The following PPFIA2 variants were observed in gnomAD, a reference collection of about 807,000 sequenced individuals.
PPFIA2 encodes the protein liprin-alpha-2.
Under a neutral mutation model 175.5 loss-of-function variants are expected in PPFIA2, and 46 were observed. That is an observed-to-expected ratio of 0.26 (90% CI 0.21 to 0.34). The LOEUF is 0.34. Among genes scored for constraint, PPFIA2 ranks in the 10% least tolerant of loss-of-function variants. PPFIA2 has a pLI of 1.00. For synonymous variants in PPFIA2, 568 were observed against 511.4 expected, an observed-to-expected ratio of 1.11 and a Z score of -1.49; for missense variants, 1,179 against 1,506.1, an observed-to-expected ratio of 0.78 and a Z score of 3.60.
chr12:81,342,512 T>A (rs1012428767), intron 19 of PPFIA2, among the ~76,000 whole-genome samples: 4 of 152,164 alleles, frequency 2.6e-5, no homozygotes, highest in African/African-American at 9.6e-5. Flanking sequence ...TGTCACCCAA[T>A]CTTAGGTTCC....
At chr12:81,460,086 C>T (rs2054263062) in intron 4 of PPFIA2, among the ~76,000 whole-genome samples, 1 of 151,980 alleles carries the variant, frequency 6.6e-6, no homozygotes, top group South Asian at 2.1e-4. Flanking sequence ...TTATCTGAAA[C>T]ATTAAATAAT....
chr12:81,305,929 C>G (rs1030534407), intron 22 of PPFIA2, among the ~76,000 whole-genome samples: 5 of 152,146 alleles, frequency 3.3e-5, no homozygotes, highest in African/African-American at 1.2e-4. Context: ...CTCATTCTTC[C>G]TACTGTGGAT....
intron 3 of PPFIA2, among the ~76,000 whole-genome samples, chr12:81,708,167 TATA>T (rs1159129885): frequency 1.3e-5 from 2 of 149,020 alleles, no homozygotes; most frequent in Admixed American, 6.7e-5. Flanking sequence ...AAACTTAAAG[TATA>T]ATAATAAAAA....
At chr12:81,505,659 C>A (rs1219154177) in intron 4 of PPFIA2, 1 of 152,170 alleles carries the variant, frequency 6.6e-6, no homozygotes, top group Admixed American at 6.6e-5. Flanking sequence ...CTGACCCCTT[C>A]TTTTTCCTCC....
intron 21 of PPFIA2, among the ~76,000 whole-genome samples, chr12:81,329,691 C>G (rs536397279): frequency 6.6e-6 from 1 of 152,258 alleles, no homozygotes; most frequent in East Asian, 1.9e-4. Flanking sequence ...GGCATCTGGT[C>G]GAGTGCATGC....
At chr12:81,639,547 A>AAT (rs1053982464) in intron 4 of PPFIA2, among the ~76,000 whole-genome samples, 72 of 151,402 alleles carry the variant, frequency 4.8e-4, no homozygotes, top group East Asian at 3.9e-3. Context: ...CGGTAAAAAA[A>AAT]ATATATATAT....
At chr12:81,347,847 A>C in intron 17 of PPFIA2, 77 bp from the exon 18 acceptor site, 1 of 1,528,654 alleles carries the variant, frequency 6.5e-7, no homozygotes, top group Non-Finnish European at 8.7e-7. Flanking sequence ...GGATCATTGG[A>C]ATTCACATAA....
chr12:81,639,800 A>G (rs2064704794), intron 4 of PPFIA2, among the ~76,000 whole-genome samples: 1 of 152,144 alleles, frequency 6.6e-6, no homozygotes, highest in African/African-American at 2.4e-5. Context: ...ATATCGCAAT[A>G]CTAAATTATA....
chr12:81,432,284 AATAG>A (rs913167476), intron 7 of PPFIA2, among the ~76,000 whole-genome samples: 1 of 152,026 alleles, frequency 6.6e-6, no homozygotes, highest in African/African-American at 2.4e-5. Context: ...CTTTTTAACA[AATAG>A]ATAGGGTCTC....
intron 3 of PPFIA2, among the ~76,000 whole-genome samples, chr12:81,703,605 C>T (rs1300442042): frequency 6.6e-6 from 1 of 152,124 alleles, no homozygotes; most frequent in African/African-American, 2.4e-5. Flanking sequence ...GACTTCTCTG[C>T]TAGTATGGAT....
rs1395555997 is a variant in PPFIA2, at chr12:81,499,865, T to A, written c.304-41999A>T. Among the ~76,000 whole-genome samples, 4 of 152,080 alleles carry A rather than the reference T, an allele frequency of 2.6e-5. No homozygotes were observed. The East Asian group carries it at 7.7e-4, about 29-fold the overall frequency. The stretch of plus-strand genomic sequence containing the variant: ...GAAAGAAATTGTTTTTCATATGAGA[T>A]TCTGTGTCTGGGTCCCTGATGATTT... On this transcript the variant is annotated intron_variant, in intron 4 of 32. Coordinates refer to ENST00000549396, the MANE Select transcript of PPFIA2 (RefSeq NM_003625.5).
chr12:81,564,999 A>G (rs746404899), intron 4 of PPFIA2, among the ~76,000 whole-genome samples: 15 of 152,200 alleles, frequency 9.9e-5, no homozygotes, highest in Non-Finnish European at 1.8e-4. Flanking sequence ...CATTGATTGG[A>G]AAAGAATAGG....
At chr12:81,616,611 T>A (rs1297391643) in intron 4 of PPFIA2, among the ~76,000 whole-genome samples, 1 of 152,222 alleles carries the variant, frequency 6.6e-6, no homozygotes, top group Non-Finnish European at 1.5e-5. Context: ...TAGGAGGCCA[T>A]GTAGATACAG....
intron 4 of PPFIA2, among the ~76,000 whole-genome samples, chr12:81,625,581 T>A (rs559862695): frequency 6.6e-6 from 1 of 151,978 alleles, no homozygotes; most frequent in African/African-American, 2.4e-5. Context: ...GGTAAGATAC[T>A]TAACTTTTGA....
chr12:81,569,198 A>G (rs1227695847), intron 4 of PPFIA2, among the ~76,000 whole-genome samples: 10 of 152,156 alleles, frequency 6.6e-5, no homozygotes, highest in Non-Finnish European at 1.2e-4. Context: ...ATTTCATTGA[A>G]TAATAGAGTT....
rs370108691 is a variant in PPFIA2, at chr12:81,751,823, C to T, written c.249+2150G>A. The stretch of plus-strand genomic sequence containing the variant: ...AGAGATTTACCTCCACAATCAGTTA[C>T]GTATAAAAATATTTTTCAGTTTTCT... On this transcript the variant is annotated intron_variant, in intron 3 of 32. Coordinates refer to ENST00000549396, the MANE Select transcript of PPFIA2 (RefSeq NM_003625.5). Among the ~76,000 whole-genome samples, 9 of 152,204 alleles carry T rather than the reference C, an allele frequency of 5.9e-5. No homozygotes were observed. The East Asian group carries it at 7.7e-4, about 13-fold the overall frequency.
rs111939027 is a variant in PPFIA2 at position 81,394,878 on chromosome 12, C to T, written c.763-10634G>A. Reference sequence around the variant, plus strand: ...ATGAGTATATTGTATTCTGAAAATACTTCTTAGCAAACTTGTAAATGAAAT... The same window carrying T: ...ATGAGTATATTGTATTCTGAAAATATTTCTTAGCAAACTTGTAAATGAAAT... On this transcript the variant is annotated intron_variant, in intron 8 of 32. Coordinates refer to ENST00000549396, the MANE Select transcript of PPFIA2 (RefSeq NM_003625.5). 4.0e-5 allele frequency among the ~76,000 whole-genome samples: 6 copies of T among 151,180 alleles called. 1 individual carries two copies. Among genetic ancestry groups the T allele is most frequent in the African/African-American group, 1.5e-4 (6 of 41,236 alleles).
At chr12:81,312,455 C>T (rs1031616889) in intron 22 of PPFIA2, 6 of 407,154 alleles carry the variant, frequency 1.5e-5, no homozygotes, top group Non-Finnish European at 2.2e-5. Flanking sequence ...TTCCCAGCCT[C>T]GAGTACATCC....
intron 8 of PPFIA2, among the ~76,000 whole-genome samples, chr12:81,397,795 A>G (rs2041414212): frequency 6.6e-6 from 1 of 151,980 alleles, no homozygotes; most frequent in African/African-American, 2.4e-5. Flanking sequence ...TGTATTTACA[A>G]CCACTCCCTA....
Sources: allele counts gnomAD v4.1 joint callset (sites outside exome capture counted in the v4.1 genomes callset), GRCh38; gene constraint gnomAD v4.1.1; transcripts MANE v1.5; gene names NCBI Gene and HGNC (gene_info 2026-07-23, HGNC 2026-07-21).